SIL1: variants seen among roughly 807,000 people sequenced by gnomAD.
SIL1 encodes the protein nucleotide exchange factor SIL1.
In SIL1, 40 loss-of-function variants were observed where a neutral mutation model predicts 49.1. That is an observed-to-expected ratio of 0.81 (90% CI 0.63 to 1.06). The LOEUF (loss-of-function observed/expected upper bound fraction) is 1.06. Among genes scored for constraint, SIL1 ranks in the 50% least tolerant of loss-of-function variants. The pLI, the probability that SIL1 is intolerant of heterozygous loss-of-function variation, is 0.00. For missense variants in SIL1, 500 were observed against 572.6 expected (o/e 0.87, Z 1.29); for synonymous variants, 253 against 250.8 (o/e 1.01, Z -0.08).
rs185931282 is a variant in SIL1 at position 139,099,783 on chromosome 5, G to A, written c.244+21252C>T. On this transcript the variant is annotated intron_variant, in intron 3 of 9. Coordinates refer to ENST00000394817, the MANE Select transcript of SIL1 (RefSeq NM_022464.5). ...AGGATGGTTACCATAGGCTAGGAAA[G>A]GGAGTGGGGAAGGGGAACAAGGAGA... 1.8e-3 allele frequency among the ~76,000 whole-genome samples: 267 copies of A among 152,284 alleles called. 1 individual carries two copies. Among genetic ancestry groups the A allele is most frequent in the Non-Finnish European group, 3.2e-3 (220 of 68,024 alleles).
chr5:138,948,074 G>A lies in SIL1; in HGVS notation c.1030-601C>T, dbSNP rs1435634686. Among the ~76,000 whole-genome samples, 4 of 152,176 alleles carry A rather than the reference G, an allele frequency of 2.6e-5. No individual in the cohort carries two copies. Among genetic ancestry groups the A allele is most frequent in the South Asian group, 2.1e-4 (1 of 4,832 alleles). On this transcript the variant is annotated intron_variant, in intron 9 of 9. Coordinates refer to ENST00000394817, the MANE Select transcript of SIL1 (RefSeq NM_022464.5). This position sits in a 1 kb window ranked among gnomAD's most constrained non-coding sequence, Gnocchi z 4.8. ...GGTTGGGAGGGGGCAGAGATCTCCC[G>A]TGCAGCTGTAGGAAGTGTGCCTGTA...
chr5:139,055,538 GCT>G (rs1769385462), intron 3 of SIL1, among the ~76,000 whole-genome samples: 1 of 151,860 alleles, frequency 6.6e-6, no homozygotes, highest in Non-Finnish European at 1.5e-5. Flanking sequence ...TTTGAAATGT[GCT>G]TGCATGGTTG....
At chr5:139,144,332 A>G (rs377168489) in intron 1 of SIL1, among the ~76,000 whole-genome samples, 10 of 152,174 alleles carry the variant, frequency 6.6e-5, no homozygotes, top group East Asian at 1.9e-4. Context: ...TCTTAAAAAA[A>G]CAAAAACAAA....
chr5:139,156,664 G>C (rs192448054), intron 1 of SIL1, among the ~76,000 whole-genome samples: 2 of 152,330 alleles, frequency 1.3e-5, no homozygotes, highest in East Asian at 3.9e-4. Flanking sequence ...GTAGACATTG[G>C]CCTTGAAGAC....
At chr5:139,064,268 G>C (rs986159271) in intron 3 of SIL1, among the ~76,000 whole-genome samples, 1 of 152,164 alleles carries the variant, frequency 6.6e-6, no homozygotes, top group Admixed American at 6.5e-5. Flanking sequence ...AAATCCATAG[G>C]GATGCCTGCA....
At chr5:138,960,858 T>C (rs1034299710) in intron 7 of SIL1, among the ~76,000 whole-genome samples, 3 of 152,238 alleles carry the variant, frequency 2.0e-5, no homozygotes, top group African/African-American at 7.2e-5. Context: ...GTGTCTATTA[T>C]ACCGGCCTAA....
intron 3 of SIL1, among the ~76,000 whole-genome samples, chr5:139,071,297 A>G (rs1189764206): frequency 6.6e-6 from 1 of 152,192 alleles, no homozygotes; most frequent in Non-Finnish European, 1.5e-5. Flanking sequence ...AATGGGCAAC[A>G]CTATAGTCTT....
rs561346927 is a variant in SIL1 at position 139,176,748 on chromosome 5, A to G, written c.-11+21521T>C. 2.0e-5 allele frequency among the ~76,000 whole-genome samples: 3 copies of G among 151,962 alleles called. No homozygotes were observed. In the South Asian group the frequency reaches 6.3e-4, roughly 32 times the overall value. The stretch of plus-strand genomic sequence containing the variant: ...CATGAGGGTGGAGCCCTCATGACCT[A>G]ATCACCTCCCAGAGGAACCACCTCG... On this transcript the variant is annotated intron_variant, in intron 1 of 9. Coordinates refer to ENST00000394817, the MANE Select transcript of SIL1 (RefSeq NM_022464.5).
intron 7 of SIL1, among the ~76,000 whole-genome samples, chr5:139,017,590 A>G (rs1222392581): frequency 6.6e-6 from 1 of 152,220 alleles, no homozygotes; most frequent in African/African-American, 2.4e-5. Flanking sequence ...AGGCAGGGGC[A>G]TGAGAACAGC....
chr5:139,058,510 CATTT>C (rs1376915777), intron 3 of SIL1, among the ~76,000 whole-genome samples: 4 of 152,162 alleles, frequency 2.6e-5, no homozygotes, highest in African/African-American at 9.7e-5. Context: ...CTTCTTTACA[CATTT>C]ATTAATTGGG....
chr5:139,006,775 T>C (rs1221963857), intron 7 of SIL1, among the ~76,000 whole-genome samples: 4 of 149,522 alleles, frequency 2.7e-5, no homozygotes, highest in African/African-American at 9.8e-5. Context: ...GTTGTAGGTA[T>C]GCGGCGTTAT....
intron 7 of SIL1, among the ~76,000 whole-genome samples, chr5:138,967,820 T>A (rs1426326189): frequency 6.6e-6 from 1 of 150,974 alleles, no homozygotes; most frequent in South Asian, 2.1e-4. Flanking sequence ...CGACAGCCTA[T>A]ATAAATAGAG....
At position 139,137,251 on chromosome 5, in the gene SIL1, C is replaced by T. The variant is rs151239273; in HGVS notation, c.-10-9398G>A. 4.3e-4 allele frequency: 300 copies of T among 694,258 alleles called. 2 individuals carry two copies. Among genetic ancestry groups the T allele is most frequent in the African/African-American group, 4.2e-3 (241 of 57,078 alleles). 43.0% of individuals were successfully genotyped at this position (694,258 alleles called of 1,614,324 possible). On this transcript the variant is annotated intron_variant, in intron 1 of 9. Transcript: ENST00000394817. ...AAAGTATTAGTTCATTTACTCTTCA[C>T]GACAACCCTCTGAGGTGGTTCCAAT... is the stretch of plus-strand genomic sequence containing the variant.
chr5:139,007,980 T>C (rs1365780412), intron 7 of SIL1, among the ~76,000 whole-genome samples: 2 of 151,752 alleles, frequency 1.3e-5, no homozygotes, highest in Non-Finnish European at 1.5e-5. Context: ...CCTCATAAAA[T>C]GAGTTAGGGA....
chr5:139,197,610 C>T (rs913722309), intron 1 of SIL1, among the ~76,000 whole-genome samples: 2 of 152,154 alleles, frequency 1.3e-5, no homozygotes, highest in Non-Finnish European at 2.9e-5. Flanking sequence ...CCACTCAGAG[C>T]CCCATTCCAG....
At chr5:139,107,784 G>A (rs1009374067) in intron 3 of SIL1, among the ~76,000 whole-genome samples, 1 of 152,158 alleles carries the variant, frequency 6.6e-6, no homozygotes, top group Non-Finnish European at 1.5e-5. Flanking sequence ...AACATTTACT[G>A]AGCTATTACT....
intron 2 of SIL1, among the ~76,000 whole-genome samples, chr5:139,123,725 T>A (rs767726636): frequency 2.0e-5 from 3 of 152,154 alleles, no homozygotes; most frequent in Admixed American, 1.3e-4. Context: ...TAGGGAGTGG[T>A]GGGACTGCAG....
chr5:139,073,437 G>A (rs1272735495), intron 3 of SIL1, among the ~76,000 whole-genome samples: 1 of 152,206 alleles, frequency 6.6e-6, no homozygotes, highest in East Asian at 1.9e-4. Flanking sequence ...GCCAGGCACA[G>A]AAAGACAAAT....
chr5:138,946,940 C>A lies in SIL1; in HGVS notation c.*177G>T, dbSNP rs188026285. 4.6e-6 allele frequency: 3 copies of A among 645,556 alleles called. No homozygotes were observed. Among genetic ancestry groups the A allele is most frequent in the Non-Finnish European group, 2.8e-6 (1 of 355,634 alleles). 40.0% of individuals were successfully genotyped at this position (645,556 alleles called of 1,614,324 possible). A position where few individuals can be genotyped will look rare whatever the true frequency, so the allele number is the denominator to read the frequency against. On this transcript the variant is annotated 3_prime_UTR_variant, in exon 10 of 10. Coordinates refer to ENST00000394817, the MANE Select transcript of SIL1 (RefSeq NM_022464.5). Reference sequence around the variant, plus strand: ...TCACCCAACCACTCACCTGACCCCCCGGCCACAGGGCTGTGCCCAGTCTAC... The same window carrying A: ...TCACCCAACCACTCACCTGACCCCCAGGCCACAGGGCTGTGCCCAGTCTAC...
Sources: gnomAD v4.1 joint callset for allele counts (sites outside exome capture counted in the v4.1 genomes callset) on GRCh38, gnomAD v4.1.1 for gene constraint, Gnocchi (gnomAD v3.1) non-coding constraint, MANE v1.5 for transcripts, NCBI Gene and HGNC (gene_info 2026-07-23, HGNC 2026-07-21) for gene names.